ADCY9: variants seen among roughly 807,000 people sequenced by gnomAD.
ADCY9 encodes adenylate cyclase type 9.
ADCY9 carries 50 observed loss-of-function variants against 101.5 expected under a neutral mutation model. That is an observed-to-expected ratio of 0.49 (90% CI 0.39 to 0.62). The LOEUF is 0.62. Ranked by LOEUF, ADCY9 falls within the 20% of genes least tolerant of loss-of-function variation. The probability of loss-of-function intolerance (pLI) is 0.00; values close to 1 mark genes in which losing one functional copy is unlikely to be tolerated. For missense variants in ADCY9, 1,662 were observed against 1,800.4 expected (o/e 0.92, Z 1.39); for synonymous variants, 905 against 769.3 (o/e 1.18, Z -2.92).
In ADCY9 at chr16:4,034,096, G is replaced by C. The variant is rs148634686; in HGVS notation, c.1694-26538C>G. The stretch of plus-strand genomic sequence containing the variant: ...TGGCTGCCGTGCGCCAACAAGGTGA[G>C]CCTGCAGATCAGAGACCACGTGCAT... On this transcript the variant is annotated intron_variant, in intron 2 of 10. Transcript: ENST00000294016. Among the ~76,000 whole-genome samples the C allele has an allele frequency of 1.4e-4, 21 of 152,254 alleles. No individual in the cohort carries two copies. The East Asian group carries it at 4.1e-3, about 29-fold the overall frequency.
intron 3 of ADCY9, among the ~76,000 whole-genome samples, chr16:4,001,301 G>T (rs1331641047): frequency 6.6e-6 from 1 of 152,102 alleles, no homozygotes; most frequent in Admixed American, 6.6e-5. Context: ...TGTCTCTTCT[G>T]GCCCTGCTGC....
chr16:4,013,356 G>T (rs915712857), intron 2 of ADCY9, among the ~76,000 whole-genome samples: 2 of 152,176 alleles, frequency 1.3e-5, no homozygotes, highest in African/African-American at 4.8e-5. Flanking sequence ...GAGAGGCGGA[G>T]GTTGCAGTGA....
intron 3 of ADCY9, among the ~76,000 whole-genome samples, chr16:3,996,474 C>G (rs2056287697): frequency 6.6e-6 from 1 of 152,080 alleles, no homozygotes; most frequent in Non-Finnish European, 1.5e-5. Context: ...GTGCCTGATA[C>G]CCATGCCTAA....
At chr16:4,088,441 G>T (rs1470438372) in intron 2 of ADCY9, among the ~76,000 whole-genome samples, 4 of 151,994 alleles carry the variant, frequency 2.6e-5, no homozygotes, top group African/African-American at 9.7e-5. Context: ...ACAGGCACGT[G>T]CCACCATTCC....
At chr16:4,095,321 A>T (rs1177889523) in intron 2 of ADCY9, among the ~76,000 whole-genome samples, 1 of 152,136 alleles carries the variant, frequency 6.6e-6, no homozygotes, top group Non-Finnish European at 1.5e-5. Context: ...TAATTACAAC[A>T]TCTAAGGTAG....
chr16:3,977,884 T>A (rs1567418975), intron 8 of ADCY9, among the ~76,000 whole-genome samples: 1 of 152,134 alleles, frequency 6.6e-6, no homozygotes, highest in Non-Finnish European at 1.5e-5. Flanking sequence ...ACCTCGCTAA[T>A]TTTTGTATTT....
At chr16:4,053,286 G>A (rs536400943) in intron 2 of ADCY9, among the ~76,000 whole-genome samples, 1 of 152,336 alleles carries the variant, frequency 6.6e-6, no homozygotes, top group East Asian at 1.9e-4. Context: ...ATAAGCATGG[G>A]AAACATCTAA....
intron 2 of ADCY9, among the ~76,000 whole-genome samples, chr16:4,062,362 A>AG (rs2056778261): frequency 1.3e-5 from 2 of 152,252 alleles, no homozygotes; most frequent in Non-Finnish European, 2.9e-5. Context: ...GAGAAAACAT[A>AG]GCAAAATGTT....
chr16:4,029,620 G>A (rs761011801), intron 2 of ADCY9, among the ~76,000 whole-genome samples: 3 of 152,164 alleles, frequency 2.0e-5, no homozygotes, highest in Middle Eastern at 3.2e-3. Flanking sequence ...GGTGGCACGT[G>A]CCTGTAATCC....
At chr16:4,027,617 C>T (rs899386246) in intron 2 of ADCY9, among the ~76,000 whole-genome samples, 4 of 152,272 alleles carry the variant, frequency 2.6e-5, no homozygotes, top group Admixed American at 6.5e-5. Flanking sequence ...TGGCTCACGC[C>T]TGTAATCCCA....
chr16:4,002,612 C>T (rs187013575), intron 3 of ADCY9, among the ~76,000 whole-genome samples: 32 of 152,350 alleles, frequency 2.1e-4, no homozygotes, highest in Middle Eastern at 6.8e-3. Flanking sequence ...AGACCAGCCA[C>T]GCAGGTGCGC....
chr16:3,967,080 G>T, intron 10 of ADCY9, 114 bp from the exon 11 acceptor site: 1 of 808,922 alleles, frequency 1.2e-6, no homozygotes, highest in Non-Finnish European at 2.0e-6. Flanking sequence ...ACAACCTGAA[G>T]CTGTCAAGCT....
intron 2 of ADCY9, among the ~76,000 whole-genome samples, chr16:4,069,930 T>A (rs2056823298): frequency 6.6e-6 from 1 of 152,142 alleles, no homozygotes; most frequent in African/African-American, 2.4e-5. Context: ...ACCCTGTCTC[T>A]ACTAAAAGTA....
At chr16:4,091,230 T>C (rs115537443) in intron 2 of ADCY9, among the ~76,000 whole-genome samples, 4,484 of 152,186 alleles carry the variant, frequency 0.029, 212 homozygotes, top group African/African-American at 0.1. Flanking sequence ...CGCGCCATGA[T>C]GCGCAGCTGA....
intron 2 of ADCY9, among the ~76,000 whole-genome samples, chr16:4,044,055 T>TA (rs1342991227): frequency 6.6e-6 from 1 of 152,140 alleles, no homozygotes; most frequent in Non-Finnish European, 1.5e-5. Flanking sequence ...AGAATCTTTT[T>TA]AAAATTCTAG....
intron 2 of ADCY9, among the ~76,000 whole-genome samples, chr16:4,081,617 C>A (rs1346757870): frequency 6.6e-6 from 1 of 152,216 alleles, no homozygotes; most frequent in Non-Finnish European, 1.5e-5. Flanking sequence ...CCTCCCACCA[C>A]ATCAAATCTA....
At chr16:4,052,649 G>A (rs943446471) in intron 2 of ADCY9, among the ~76,000 whole-genome samples, 2 of 152,150 alleles carry the variant, frequency 1.3e-5, no homozygotes, top group African/African-American at 4.8e-5. Context: ...AACAACTAGT[G>A]TGGAATTCTG....
intron 2 of ADCY9, among the ~76,000 whole-genome samples, chr16:4,049,840 C>A (rs2056689278): frequency 6.6e-6 from 1 of 152,136 alleles, no homozygotes; most frequent in Non-Finnish European, 1.5e-5. Context: ...CCAGCCTGGG[C>A]AACAAGGTAA....
intron 2 of ADCY9, among the ~76,000 whole-genome samples, chr16:4,052,943 G>A (rs1322578323): frequency 6.6e-6 from 1 of 152,100 alleles, no homozygotes; most frequent in African/African-American, 2.4e-5. Flanking sequence ...AAGTGCACGG[G>A]GAACAACAGA....
Sources: allele counts gnomAD v4.1 joint callset (sites outside exome capture counted in the v4.1 genomes callset), GRCh38; gene constraint gnomAD v4.1.1; transcripts MANE v1.5; gene names NCBI Gene and HGNC (gene_info 2026-07-23, HGNC 2026-07-21).